Variants in HNRNPH1 observed in about 807,000 individuals in gnomAD.
HNRNPH1 encodes the protein heterogeneous nuclear ribonucleoprotein H.
HNRNPH1 carries 4 observed loss-of-function variants against 58.6 expected under a neutral mutation model. The observed-to-expected ratio is 0.07, with a 90% CI of 0.03 to 0.16. HNRNPH1 has a LOEUF of 0.16. Among genes scored for constraint, HNRNPH1 ranks in the 10% least tolerant of loss-of-function variants. HNRNPH1 has a pLI of 1.00. For missense variants in HNRNPH1, 271 were observed against 564.2 expected, an observed-to-expected ratio of 0.48 and a Z score of 5.26; for synonymous variants, 192 against 189.2, an observed-to-expected ratio of 1.01 and a Z score of -0.12.
At chr5:179,616,623 A>AT in intron 10 of HNRNPH1, 1 of 543,208 alleles carries the variant, frequency 1.8e-6, no homozygotes, top group Admixed American at 3.5e-5. Flanking sequence ...TACTTAGAAA[A>AT]TTTAAGTAGT....
intron 10 of HNRNPH1, 89 bp from the exon 12 acceptor site, chr5:179,616,307 T>C (rs1769623140): frequency 9.5e-6 from 10 of 1,050,932 alleles, no homozygotes; most frequent in Non-Finnish European, 1.5e-5. Flanking sequence ...GCTATCATTT[T>C]CCAGTCTTGA....
Position 179,614,784 on chromosome 5 carries a change from GAAAAAAA to G in HNRNPH1, c.*169_*175del, listed in dbSNP as rs35827689. On this transcript the variant is annotated 3_prime_UTR_variant, in exon 13 of 13. Coordinates refer to ENST00000356731, the Ensembl canonical transcript of HNRNPH1. ...ACTGTTAAACTGAAGTTTTCTTAAA[GAAAAAAA>G]AAAAAAAAAAAAAAAGGTTGACCAA... is the stretch of plus-strand genomic sequence containing the variant. 1.3e-3 allele frequency: 561 copies of G among 445,966 alleles called. 1 individual carries two copies. The highest frequency in any genetic ancestry group is 9.3e-3 in the African/African-American group (369 of 39,846). 27.6% of individuals were successfully genotyped at this position (445,966 alleles called of 1,614,324 possible).
chr5:179,632,295 G>A (rs1380932191), intron 2 of HNRNPH1, among the ~76,000 whole-genome samples: 2 of 146,896 alleles, frequency 1.4e-5, no homozygotes, highest in Non-Finnish European at 3.0e-5. Flanking sequence ...GTGACAGAGC[G>A]AGACTCCGTC....
chr5:179,626,776 C>CT (rs60754691), upstream of HNRNPH1, among the ~76,000 whole-genome samples: 3,381 of 132,410 alleles, frequency 0.026, 100 homozygotes, highest in African/African-American at 0.062. Context: ...TGGTATACTT[C>CT]TTTTTTTTTT....
exon 5 of HNRNPH1, chr5:179,618,213 C>G: frequency 1.2e-6 from 2 of 1,614,190 alleles, no homozygotes; most frequent in Non-Finnish European, 1.7e-6. Flanking sequence ...ATACCCTCTA[C>G]CAGCCCCAGG....
At chr5:179,615,639 C>G (rs752304084) in intron 11 of HNRNPH1, 44 bp from the exon 13 acceptor site, 4 of 1,034,912 alleles carry the variant, frequency 3.9e-6, no homozygotes, top group Admixed American at 2.0e-5. Flanking sequence ...ACCAAAATCA[C>G]CATTCTTTAG....
upstream of HNRNPH1, among the ~76,000 whole-genome samples, chr5:179,625,411 G>A (rs1299558863): frequency 1.3e-5 from 2 of 148,638 alleles, no homozygotes; most frequent in African/African-American, 5.0e-5. Flanking sequence ...AGAATCACCT[G>A]AACCCAGGAG....
At chr5:179,624,738 C>T (rs1774196568), upstream of HNRNPH1, 1 of 396,802 alleles carries the variant, frequency 2.5e-6, no homozygotes, top group African/African-American at 2.1e-5. Context: ...TTCCTCACCC[C>T]AGCTTTAGTG....
intron 2 of HNRNPH1, among the ~76,000 whole-genome samples, chr5:179,630,594 G>A (rs983793599): frequency 7.2e-5 from 11 of 151,926 alleles, no homozygotes; most frequent in Admixed American, 1.3e-4. Context: ...ACACCCTCTC[G>A]CTCAGGGCTA....
chr5:179,615,762 CTT>C (rs542496278), intron 11 of HNRNPH1, 167 bp from the exon 13 acceptor site: 253 of 530,558 alleles, frequency 4.8e-4, no homozygotes, highest in Non-Finnish European at 6.7e-4. Flanking sequence ...CTAAAACTGA[CTT>C]AATGCTAACC....
intron 8 of HNRNPH1, 40 bp from the exon 10 acceptor site, chr5:179,617,150 G>A (rs777175576): frequency 1.3e-6 from 2 of 1,574,558 alleles, no homozygotes; most frequent in African/African-American, 1.4e-5. Context: ...GTTTGTTGGT[G>A]AAACAAAACA....
At chr5:179,633,060 T>C (rs1359103561) in intron 2 of HNRNPH1, among the ~76,000 whole-genome samples, 2 of 152,018 alleles carry the variant, frequency 1.3e-5, no homozygotes, top group African/African-American at 2.4e-5. Context: ...GGTTTCACCA[T>C]GTTGATCAAG....
chr5:179,621,074 T>G (rs772752602), intron 2 of HNRNPH1, 39 bp from the exon 4 acceptor site: 10 of 1,604,728 alleles, frequency 6.2e-6, no homozygotes, highest in Non-Finnish European at 7.7e-6. Flanking sequence ...TTTGGAAAAT[T>G]AGATAACAAA....
At chr5:179,618,208 C>A in exon 5 of HNRNPH1, 2 of 1,614,198 alleles carry the variant, frequency 1.2e-6, no homozygotes, top group Non-Finnish European at 1.7e-6. Flanking sequence ...CTGTTATACC[C>A]TCTACCAGCC....
chr5:179,630,639 CG>C (rs936695597), intron 2 of HNRNPH1, among the ~76,000 whole-genome samples: 2 of 151,642 alleles, frequency 1.3e-5, no homozygotes, highest in African/African-American at 4.8e-5. Context: ...CGGCCTGACG[CG>C]GGGGCTCACG....
At chr5:179,624,835 C>T (rs1037175181), upstream of HNRNPH1, among the ~76,000 whole-genome samples, 13 of 152,194 alleles carry the variant, frequency 8.5e-5, no homozygotes, top group Non-Finnish European at 1.8e-4. Context: ...GAGTGCCACC[C>T]TGGGAAGATG....
upstream of HNRNPH1, among the ~76,000 whole-genome samples, chr5:179,628,413 G>A (rs1774555227): frequency 6.6e-6 from 1 of 152,084 alleles, no homozygotes; most frequent in African/African-American, 2.4e-5. Flanking sequence ...GAATGCAATG[G>A]CATGATCTCG....
At position 179,615,613 on chromosome 5, in the gene HNRNPH1, AG is replaced by A. The variant is rs1265021555; in HGVS notation, c.1301-19del. ...AACTTGGTCTGCAAAAGGATTTTGT[AG>A]GGTAAGACTATAATACCAAAATCAC... On this transcript the variant is annotated intron_variant, in intron 11 of 12. Coordinates refer to ENST00000356731, the Ensembl canonical transcript of HNRNPH1. The A allele has an allele frequency of 1.2e-5, 17 of 1,457,510 alleles. No individual in the cohort carries two copies. Among genetic ancestry groups the A allele is most frequent in the East Asian group, 2.3e-5 (1 of 43,846 alleles). The allele number at this position is 1,457,510 out of a possible 1,614,324, so 90.3% of individuals were successfully genotyped here.
At chr5:179,633,879 C>T (rs991045678) in intron 2 of HNRNPH1, 10 of 151,800 alleles carry the variant, frequency 6.6e-5, no homozygotes, top group African/African-American at 2.4e-4. Context: ...CCACTGCACT[C>T]CACACTCCAG....
Sources: allele counts gnomAD v4.1 joint callset (sites outside exome capture counted in the v4.1 genomes callset), GRCh38; gene constraint gnomAD v4.1.1; transcripts MANE v1.5; gene names NCBI Gene and HGNC (gene_info 2026-07-23, HGNC 2026-07-21).